The following RPRD2 variants were observed in gnomAD, a reference collection of about 807,000 sequenced individuals.
RPRD2 encodes the protein regulation of nuclear pre-mRNA domain containing 2.
RPRD2 carries 12 observed loss-of-function variants against 104.4 expected under a neutral mutation model. The observed-to-expected ratio is 0.11, with a 90% confidence interval of 0.07 to 0.19. The LOEUF (loss-of-function observed/expected upper bound fraction) is 0.19, where lower values mean the gene tolerates loss of function less well. RPRD2 is among the 10% of genes least tolerant of loss of function. The pLI, the probability that RPRD2 is intolerant of heterozygous loss-of-function variation, is 1.00. For missense variants in RPRD2, 1,543 were observed against 1,790.1 expected, an observed-to-expected ratio of 0.86 and a Z score of 2.49; for synonymous variants, 714 against 684.9, an observed-to-expected ratio of 1.04 and a Z score of -0.66.
chr1:150,472,111 C>A lies in RPRD2; in HGVS notation c.3163C>A (p.Gln1055Lys). The A allele has an allele frequency of 1.9e-6, 3 of 1,613,842 alleles. No individual in the cohort carries two copies. The highest frequency in any genetic ancestry group is 2.5e-6 in the Non-Finnish European group (3 of 1,179,894). Residue 1055 changes from glutamine to lysine, a missense_variant, in exon 11 of 11, where the codon CAG becomes AAG. Physicochemically the swap from Gln to Lys is moderately conservative, Grantham distance 53. Coordinates refer to ENST00000369068, the MANE Select transcript of RPRD2 (RefSeq NM_015203.5). ...ACCCAGCTTGACCGCCACTGATCAG[C>A]AGCAACAAGAAGAGCACTACCGCAT... ...TQPSLTATDQ[Q>K]QQEEHYRIET...
chr1:150,387,283 CCA>C (rs1553882003), intron 1 of RPRD2, among the ~76,000 whole-genome samples: 2 of 152,042 alleles, frequency 1.3e-5, no homozygotes, highest in African/African-American at 4.8e-5. Flanking sequence ...GCACTTCAGA[CCA>C]CAGTGTGTTA....
intron 2 of RPRD2, among the ~76,000 whole-genome samples, chr1:150,430,255 C>A (rs1553891375): frequency 6.6e-6 from 1 of 152,022 alleles, no homozygotes. Context: ...ACAAAATGAA[C>A]AACAGGTAAG....
At chr1:150,364,979 G>A in intron 1 of RPRD2, 60 bp downstream of exon 1, 1 of 1,555,154 alleles carries the variant, frequency 6.4e-7, no homozygotes, top group Non-Finnish European at 8.8e-7. Flanking sequence ...AGTGTGGCCT[G>A]AAACGCTTGG....
chr1:150,433,983 C>T (rs1381812740), intron 2 of RPRD2, among the ~76,000 whole-genome samples: 1 of 151,908 alleles, frequency 6.6e-6, no homozygotes. Context: ...AAGCACTGAA[C>T]CATCAATAGA....
chr1:150,458,674 C>CT (rs1164556409), intron 8 of RPRD2, among the ~76,000 whole-genome samples: 1 of 152,176 alleles, frequency 6.6e-6, no homozygotes, highest in African/African-American at 2.4e-5. Context: ...GAGTTTCCCT[C>CT]TGTCGCCCAG....
intron 1 of RPRD2, among the ~76,000 whole-genome samples, chr1:150,411,507 A>G (rs1553887616): frequency 8.1e-6 from 1 of 123,438 alleles, no homozygotes; most frequent in Non-Finnish European, 1.7e-5. Context: ...AGAAGGCAGT[A>G]CACTAGGCGC....
Position 150,471,304 on chromosome 1 carries a change from G to A in RPRD2, c.2356G>A (p.Val786Ile), listed in dbSNP as rs191562697. ...ESYPRELSNS[V>I]STYRPFGLGS... ...CTACCCCCGAGAGCTCTCCAATTCT[G>A]TATCTACATATCGACCCTTTGGTCT... Residue 786 changes from valine (V) to isoleucine (I), a missense_variant, in exon 11 of 11, where the codon GTA becomes ATA. By Grantham distance (29) the Val-to-Ile change is conservative. Coordinates refer to ENST00000369068, the MANE Select transcript of RPRD2 (RefSeq NM_015203.5). This position sits in a 1 kb window ranked among gnomAD's most constrained non-coding sequence, Gnocchi z 5.3. 2.3e-3 allele frequency: 3,668 copies of A among 1,613,680 alleles called. 5 individuals are homozygous for A. Among genetic ancestry groups the A allele is most frequent in the Non-Finnish European group, 2.7e-3 (3,233 of 1,179,854 alleles).
In RPRD2 at chr1:150,472,746, T is replaced by C; in HGVS notation, c.3798T>C (p.Pro1266=). 1 of 1,612,796 alleles carries C rather than the reference T, an allele frequency of 6.2e-7. No individual in the cohort carries two copies. Among genetic ancestry groups the C allele is most frequent in the Non-Finnish European group, 8.5e-7 (1 of 1,178,988 alleles). ...CTCCTGGAGAGCACAGTGGAATTCCTTTCCCTACCCCACCTCCTCCTCCCC... is the reference window on the plus strand; with the variant it reads ...CTCCTGGAGAGCACAGTGGAATTCCCTTCCCTACCCCACCTCCTCCTCCCC... ...PPPPGEHSGI[P]FPTPPPPPPP... is the part of the protein sequence containing the mutation. The change falls in exon 11 of 11, where the codon CCT becomes CCC. Residue 1266 remains proline (P), a synonymous_variant. Transcript: ENST00000369068.
chr1:150,396,912 A>G (rs1218693988), intron 1 of RPRD2, among the ~76,000 whole-genome samples: 2 of 152,164 alleles, frequency 1.3e-5, no homozygotes, highest in Non-Finnish European at 2.9e-5. Flanking sequence ...GCTAGCCATA[A>G]TAAAAATAAT....
chr1:150,375,788 A>G lies in RPRD2; in HGVS notation c.205+10869A>G, dbSNP rs147207987. ...TTTGGTCAGTTGTTTTAAAATTTCA[A>G]TTGAGAATTAAGGATACATGAGGTT... On this transcript the variant is annotated intron_variant, in intron 1 of 10. Coordinates refer to ENST00000369068, the MANE Select transcript of RPRD2 (RefSeq NM_015203.5). Among the ~76,000 whole-genome samples the G allele has an allele frequency of 1.4e-4, 22 of 152,314 alleles. No homozygotes were observed. In the East Asian group the frequency reaches 3.5e-3, roughly 24 times the overall value.
chr1:150,394,664 T>C (rs1446117382), intron 1 of RPRD2, among the ~76,000 whole-genome samples: 1 of 152,118 alleles, frequency 6.6e-6, no homozygotes, highest in Non-Finnish European at 1.5e-5. Flanking sequence ...TGATCTCGGC[T>C]CACTGCAACC....
rs1262008011 is a variant in RPRD2, at chr1:150,433,469, G to T, written c.336-7454G>T. Among the ~76,000 whole-genome samples, 4 of 118,936 alleles carry T rather than the reference G, an allele frequency of 3.4e-5. No homozygotes were observed. The East Asian group carries it at 8.7e-4, about 26-fold the overall frequency. 78.0% of individuals were successfully genotyped at this position (118,936 alleles called of 152,430 possible). The stretch of plus-strand genomic sequence containing the variant: ...TTTTTTTTTTTTTTTTTTTGAGACG[G>T]AGTCTCGCTCTGTCACCCAGGCTGG... On this transcript the variant is annotated intron_variant, in intron 2 of 10. Transcript: ENST00000369068.
At chr1:150,417,553 AT>A (rs782258362) in intron 1 of RPRD2, 42 bp from the exon 2 acceptor site, 2 of 1,445,252 alleles carry the variant, frequency 1.4e-6, no homozygotes, top group Non-Finnish European at 1.8e-6. Flanking sequence ...CTAAGTGCAA[AT>A]TGACTCATTT....
intron 1 of RPRD2, among the ~76,000 whole-genome samples, chr1:150,366,984 A>AT (rs1301214298): frequency 1.3e-5 from 2 of 152,102 alleles, no homozygotes; most frequent in Non-Finnish European, 1.5e-5. Flanking sequence ...TGAAGCCAGA[A>AT]TTTTTTACCT....
chr1:150,407,150 T>C (rs1232153109), intron 1 of RPRD2, among the ~76,000 whole-genome samples: 1 of 152,216 alleles, frequency 6.6e-6, no homozygotes, highest in Non-Finnish European at 1.5e-5. Flanking sequence ...CTTTTGGTTA[T>C]TGGGTATGGC....
At chr1:150,391,692 A>G (rs1168153312) in intron 1 of RPRD2, among the ~76,000 whole-genome samples, 1 of 152,030 alleles carries the variant, frequency 6.6e-6, no homozygotes, top group Non-Finnish European at 1.5e-5. Context: ...CGGATCACCT[A>G]AGGTCAGGAG....
At chr1:150,452,315 A>G (rs1553896804) in intron 7 of RPRD2, among the ~76,000 whole-genome samples, 1 of 152,178 alleles carries the variant, frequency 6.6e-6, no homozygotes, top group African/African-American at 2.4e-5. Flanking sequence ...AATTCTGCCC[A>G]GTGTCAGAGA....
At chr1:150,439,970 C>CTT (rs782612215) in intron 2 of RPRD2, among the ~76,000 whole-genome samples, 5 of 147,622 alleles carry the variant, frequency 3.4e-5, no homozygotes, top group Admixed American at 6.8e-5. Flanking sequence ...TACTTTAACA[C>CTT]TTTTTTTTTT....
At chr1:150,375,993 T>C (rs1553879385) in intron 1 of RPRD2, among the ~76,000 whole-genome samples, 1 of 152,236 alleles carries the variant, frequency 6.6e-6, no homozygotes, top group African/African-American at 2.4e-5. Context: ...TGGAGGAATG[T>C]ACATCTTAGG....
Sources: gnomAD v4.1 joint callset for allele counts (sites outside exome capture counted in the v4.1 genomes callset) on GRCh38, gnomAD v4.1.1 for gene constraint, Gnocchi (gnomAD v3.1) non-coding constraint, MANE v1.5 for transcripts, NCBI Gene and HGNC (gene_info 2026-07-23, HGNC 2026-07-21) for gene names.